Variants in HCN1 observed in about 807,000 individuals in gnomAD.
HCN1 encodes hyperpolarization activated cyclic nucleotide gated potassium channel 1.
In HCN1, 13 loss-of-function variants were observed where a neutral mutation model predicts 78.9. The observed-to-expected ratio is 0.16, with a 90% confidence interval of 0.11 to 0.26. HCN1 has a LOEUF of 0.26. Ranked by LOEUF, HCN1 falls within the 10% of genes least tolerant of loss-of-function variation. The pLI is 1.00. For missense variants in HCN1, 810 were observed against 1,154.3 expected (o/e 0.70, Z 4.32); for synonymous variants, 552 against 455.5 (o/e 1.21, Z -2.70).
intron 1 of HCN1, among the ~76,000 whole-genome samples, chr5:45,685,929 T>A (rs1327958738): frequency 6.6e-6 from 1 of 152,178 alleles, no homozygotes; most frequent in Admixed American, 6.5e-5. Flanking sequence ...TTAGAGAATA[T>A]TTAATTTTTC....
At chr5:45,350,554 G>T (rs957973855) in intron 5 of HCN1, among the ~76,000 whole-genome samples, 17 of 151,462 alleles carry the variant, frequency 1.1e-4, no homozygotes, top group African/African-American at 1.2e-4. Flanking sequence ...GAAATAAAGG[G>T]TATTCAATTA....
chr5:45,559,297 A>C (rs1452123965), intron 2 of HCN1: 1 of 152,128 alleles, frequency 6.6e-6, no homozygotes, highest in Non-Finnish European at 1.5e-5. Context: ...TTCAAGTCTC[A>C]TTATTTAAGA....
intron 2 of HCN1, among the ~76,000 whole-genome samples, chr5:45,539,561 A>C (rs1195289565): frequency 1.3e-5 from 2 of 150,810 alleles, no homozygotes; most frequent in Non-Finnish European, 3.0e-5. Context: ...GCCACTCGGG[A>C]GGCTGAGGTA....
Position 45,536,507 on chromosome 5 carries a change from A to G in HCN1, c.850-74500T>C, listed in dbSNP as rs182522104. Among the ~76,000 whole-genome samples the G allele has an allele frequency of 3.6e-3, 544 of 152,258 alleles. 1 individual carries two copies. The highest frequency in any genetic ancestry group is 4.7e-3 in the Admixed American group (72 of 15,294). On this transcript the variant is annotated intron_variant, in intron 2 of 7. Transcript: ENST00000303230. ...CATTTCAGTTACTGCATTTTTCAGC[A>G]TTAGAATTTTCATTTCATTCTTTTC...
chr5:45,406,797 T>A (rs1352640254), intron 3 of HCN1, among the ~76,000 whole-genome samples: 1 of 152,084 alleles, frequency 6.6e-6, no homozygotes, highest in Non-Finnish European at 1.5e-5. Flanking sequence ...TAGAGAAAAA[T>A]TATCTAAGGT....
chr5:45,653,984 T>C (rs1260518929), intron 1 of HCN1, among the ~76,000 whole-genome samples: 2 of 152,074 alleles, frequency 1.3e-5, no homozygotes, highest in East Asian at 3.9e-4. Flanking sequence ...ATTAATCAGG[T>C]ATAAGCCTTT....
intron 3 of HCN1, among the ~76,000 whole-genome samples, chr5:45,454,903 C>G (rs1220951953): frequency 6.6e-6 from 1 of 151,996 alleles, no homozygotes; most frequent in Non-Finnish European, 1.5e-5. Context: ...ATAAATAGCT[C>G]TCTCTTCTCT....
intron 2 of HCN1, among the ~76,000 whole-genome samples, chr5:45,463,239 A>G (rs940246840): frequency 6.6e-6 from 1 of 152,000 alleles, no homozygotes; most frequent in Non-Finnish European, 1.5e-5. Flanking sequence ...CACACACTGA[A>G]GTACTCAGAG....
At chr5:45,668,060 T>C (rs1580036682) in intron 1 of HCN1, among the ~76,000 whole-genome samples, 1 of 152,012 alleles carries the variant, frequency 6.6e-6, no homozygotes, top group African/African-American at 2.4e-5. Flanking sequence ...TCCTATGTAA[T>C]GTCATGCATC....
At chr5:45,374,877 G>T (rs1385439059) in intron 4 of HCN1, among the ~76,000 whole-genome samples, 1 of 142,346 alleles carries the variant, frequency 7.0e-6, no homozygotes, top group East Asian at 2.0e-4. Flanking sequence ...TTGGTTCATG[G>T]GTATATATAT....
At chr5:45,301,571 G>A (rs1287223245) in intron 6 of HCN1, among the ~76,000 whole-genome samples, 1 of 151,144 alleles carries the variant, frequency 6.6e-6, no homozygotes, top group Non-Finnish European at 1.5e-5. Context: ...TTAAAAAATA[G>A]GAAAGCAGGG....
intron 3 of HCN1, among the ~76,000 whole-genome samples, chr5:45,448,431 C>T (rs1012278106): frequency 6.6e-6 from 1 of 152,158 alleles, no homozygotes; most frequent in African/African-American, 2.4e-5. Flanking sequence ...TTATGTGGAT[C>T]CCAAATGGAG....
chr5:45,605,472 ACC>A, intron 2 of HCN1, among the ~76,000 whole-genome samples: 1 of 151,886 alleles, frequency 6.6e-6, no homozygotes, highest in Non-Finnish European at 1.5e-5. Flanking sequence ...AAATTTCTGC[ACC>A]ATTACTTAAA....
In HCN1 at chr5:45,260,452, T is replaced by C. The variant is rs1338215157; in HGVS notation, c.*1469A>G. The C allele has an allele frequency of 2.6e-5, 4 of 152,220 alleles. No individual in the cohort carries two copies. The highest frequency in any genetic ancestry group is 7.2e-5 in the African/African-American group (3 of 41,462). 9.4% of individuals were successfully genotyped at this position (152,220 alleles called of 1,614,324 possible). On this transcript the variant is annotated 3_prime_UTR_variant, in exon 8 of 8. Transcript: ENST00000303230. Reference sequence around the variant, plus strand: ...GCTCATAGACGTTCAACTTTACCCCTGCTTTCTGTCACCATGTCTGTACTA... The same window carrying C: ...GCTCATAGACGTTCAACTTTACCCCCGCTTTCTGTCACCATGTCTGTACTA...
chr5:45,346,260 A>C (rs1228758374), intron 5 of HCN1, among the ~76,000 whole-genome samples: 1 of 152,190 alleles, frequency 6.6e-6, no homozygotes, highest in Non-Finnish European at 1.5e-5. Context: ...CAAATGAAAA[A>C]CTTTGGTAAA....
chr5:45,664,305 T>C (rs1745986603), intron 1 of HCN1, among the ~76,000 whole-genome samples: 1 of 92,526 alleles, frequency 1.1e-5, no homozygotes, highest in East Asian at 3.3e-4. Flanking sequence ...CTGGGGACTG[T>C]GGTGGGGTCG....
chr5:45,342,169 ATATTT>A (rs1746596600), intron 5 of HCN1, among the ~76,000 whole-genome samples: 1 of 151,944 alleles, frequency 6.6e-6, no homozygotes, highest in Non-Finnish European at 1.5e-5. Flanking sequence ...AATGAAGTGA[ATATTT>A]TTACATTTAT....
At chr5:45,282,738 C>G (rs182198593) in intron 6 of HCN1, among the ~76,000 whole-genome samples, 1 of 152,100 alleles carries the variant, frequency 6.6e-6, no homozygotes, top group Non-Finnish European at 1.5e-5. Flanking sequence ...GGAAATATAC[C>G]CCGTAGGACT....
Position 45,271,016 on chromosome 5 carries a change from T to C in HCN1, c.1619-3763A>G, listed in dbSNP as rs139805617. Among the ~76,000 whole-genome samples the C allele has an allele frequency of 2.2e-3, 334 of 152,216 alleles. 1 individual carries two copies. Among genetic ancestry groups the C allele is most frequent in the African/African-American group, 7.7e-3 (321 of 41,546 alleles). On this transcript the variant is annotated intron_variant, in intron 6 of 7. Coordinates refer to ENST00000303230, the MANE Select transcript of HCN1 (RefSeq NM_021072.4). The stretch of plus-strand genomic sequence containing the variant: ...ATAGGTACACATTACTAAGTAATCA[T>C]GGCTTGAATCAGTTAAATATTACCA...
Sources: gnomAD v4.1 joint callset for allele counts (sites outside exome capture counted in the v4.1 genomes callset) on GRCh38, gnomAD v4.1.1 for gene constraint, MANE v1.5 for transcripts, NCBI Gene and HGNC (gene_info 2026-07-23, HGNC 2026-07-21) for gene names.